The following AGBL3 variants were observed in gnomAD, a reference collection of about 807,000 sequenced individuals.
The protein encoded by AGBL3 is AGBL carboxypeptidase 3.
Under a neutral mutation model 94.5 loss-of-function variants are expected in AGBL3, and 68 were observed. That is an observed-to-expected ratio of 0.72 (90% CI 0.59 to 0.88). The LOEUF (loss-of-function observed/expected upper bound fraction) is 0.88. Ranked by LOEUF, AGBL3 falls within the 40% of genes least tolerant of loss-of-function variation. The pLI is 0.00. For synonymous variants in AGBL3, 354 were observed against 370.7 expected, an observed-to-expected ratio of 0.95 and a Z score of 0.52; for missense variants, 934 against 1,103.8, an observed-to-expected ratio of 0.85 and a Z score of 2.18.
At chr7:135,074,014 T>C (rs537831759) in intron 12 of AGBL3, among the ~76,000 whole-genome samples, 1 of 148,292 alleles carries the variant, frequency 6.7e-6, no homozygotes, top group African/African-American at 2.5e-5. Context: ...GTGGTGACTA[T>C]AGTTAATAAT....
At chr7:134,995,372 G>C (rs1810879164) in intron 4 of AGBL3, 1 of 152,174 alleles carries the variant, frequency 6.6e-6, no homozygotes, top group South Asian at 2.1e-4. Flanking sequence ...TCACATCTTT[G>C]CCACACCTTT....
intron 14 of AGBL3, 48 bp from the exon 15 acceptor site, chr7:135,081,671 A>C (rs1343167961): frequency 8.0e-7 from 1 of 1,245,522 alleles, no homozygotes; most frequent in African/African-American, 1.5e-5. Flanking sequence ...TGAAATGTAA[A>C]TGGGCGAGTT....
intron 6 of AGBL3, among the ~76,000 whole-genome samples, 200 bp downstream of exon 6, chr7:135,033,182 T>G (rs191982287): frequency 6.6e-6 from 1 of 152,160 alleles, no homozygotes; most frequent in Non-Finnish European, 1.5e-5. Flanking sequence ...TGAGGTAAAG[T>G]TAAGAAGGCT....
chr7:135,035,296 G>A (rs180695347), intron 7 of AGBL3, among the ~76,000 whole-genome samples: 119 of 151,882 alleles, frequency 7.8e-4, no homozygotes, highest in African/African-American at 2.5e-3. Flanking sequence ...ACATGAAACC[G>A]TTGGCTTCTC....
rs962084932 is a variant in AGBL3 at position 135,037,528 on chromosome 7, A to G, written c.1448A>G (p.Tyr483Cys). Reference protein sequence around the residue: ...CDGSDRSKTLYLQQRIFPLML... With the variant: ...CDGSDRSKTLCLQQRIFPLML... ...GGTAGTGACAGATCTAAGACATTAT[A>G]CTTACAGCAACGAATCTTCCCACTT... Residue 483 changes from tyrosine (Y) to cysteine (C), a missense_variant, in exon 8 of 17, where the codon TAC becomes TGC. By Grantham distance (194) the Tyr-to-Cys change is radical (BLOSUM62 -2). Coordinates refer to ENST00000436302, the MANE Select transcript of AGBL3 (RefSeq NM_178563.4). The G allele has an allele frequency of 2.6e-6, 4 of 1,546,550 alleles. No individual in the cohort carries two copies. The highest frequency in any genetic ancestry group is 3.5e-6 in the Non-Finnish European group (4 of 1,144,630).
At chr7:135,103,086 G>A (rs565724407) in intron 15 of AGBL3, among the ~76,000 whole-genome samples, 1 of 152,194 alleles carries the variant, frequency 6.6e-6, no homozygotes, top group East Asian at 1.9e-4. Flanking sequence ...CAATACTCCG[G>A]CAGAATCCAC....
intron 3 of AGBL3, among the ~76,000 whole-genome samples, chr7:134,992,005 T>C (rs1041279324): frequency 5.3e-5 from 8 of 152,222 alleles, no homozygotes; most frequent in Non-Finnish European, 1.2e-4. Flanking sequence ...ATTCTTCAGA[T>C]AGTTATGTTT....
chr7:135,039,333 G>A (rs1816616487), intron 8 of AGBL3, among the ~76,000 whole-genome samples: 1 of 152,126 alleles, frequency 6.6e-6, no homozygotes, highest in Admixed American at 6.5e-5. Context: ...AGGAACATTA[G>A]AATATAGTTT....
intron 13 of AGBL3, among the ~76,000 whole-genome samples, chr7:135,078,761 C>T (rs1253177530): frequency 1.3e-5 from 2 of 152,090 alleles, no homozygotes; most frequent in African/African-American, 2.4e-5. Flanking sequence ...AAGTTGCATA[C>T]ATTCTAAGTG....
intron 5 of AGBL3, among the ~76,000 whole-genome samples, chr7:135,021,950 GGAT>G (rs1814536008): frequency 6.6e-6 from 1 of 152,118 alleles, no homozygotes; most frequent in Non-Finnish European, 1.5e-5. Flanking sequence ...AGTCTGCTGA[GGAT>G]GATGGCATCT....
At chr7:134,996,935 A>G (rs1811082166) in intron 4 of AGBL3, among the ~76,000 whole-genome samples, 1 of 152,210 alleles carries the variant, frequency 6.6e-6, no homozygotes, top group African/African-American at 2.4e-5. Flanking sequence ...GAATTCAGAG[A>G]AGCCATTATA....
intron 15 of AGBL3, chr7:135,094,312 G>T (rs567164985): frequency 6.6e-6 from 3 of 452,176 alleles, no homozygotes; most frequent in South Asian, 4.7e-5. Context: ...AGGCTGACAA[G>T]TAAACTACTA....
At chr7:135,075,716 G>A (rs993311433) in intron 12 of AGBL3, among the ~76,000 whole-genome samples, 1 of 152,132 alleles carries the variant, frequency 6.6e-6, no homozygotes, top group Non-Finnish European at 1.5e-5. Flanking sequence ...TGAGTAATCC[G>A]TTTTCTGTGC....
At chr7:135,107,861 C>A (rs1200436598) in intron 15 of AGBL3, among the ~76,000 whole-genome samples, 1 of 152,078 alleles carries the variant, frequency 6.6e-6, no homozygotes, top group Non-Finnish European at 1.5e-5. Context: ...TTTTGTAGGT[C>A]TCTAGGAACT....
At position 135,036,969 on chromosome 7, in the gene AGBL3, T is replaced by A. The variant is rs181834960; in HGVS notation, c.1338-449T>A. Among the ~76,000 whole-genome samples the A allele has an allele frequency of 3.2e-4, 48 of 151,776 alleles. No homozygotes were observed. In the East Asian group the frequency reaches 6.8e-3, roughly 21 times the overall value. On this transcript the variant is annotated intron_variant, in intron 7 of 16. Coordinates refer to ENST00000436302, the MANE Select transcript of AGBL3 (RefSeq NM_178563.4). ...TCTCACTCTGTTGCCCAGGCTGGAG[T>A]GCAGTAGTAATGCTGTCTTCGCTCA...
chr7:135,104,777 G>GTT (rs199595037), intron 15 of AGBL3, among the ~76,000 whole-genome samples: 17,437 of 145,152 alleles, frequency 0.12, 1,141 homozygotes, highest in East Asian at 0.19. Context: ...GGGCTGTTTG[G>GTT]TTTTTTTTTT....
rs182878016 is a variant in AGBL3, at chr7:135,006,049, T to C, written c.311-11003T>C. Among the ~76,000 whole-genome samples the C allele has an allele frequency of 6.0e-4, 91 of 151,858 alleles. No homozygotes were observed. In the East Asian group the frequency reaches 0.014, roughly 23 times the overall value. ...AGAGCTAAGCAAAGAGTTCTTAGAA[T>C]TGACATCAAAAACATGATTAATAAA... On this transcript the variant is annotated intron_variant, in intron 4 of 16. Coordinates refer to ENST00000436302, the MANE Select transcript of AGBL3 (RefSeq NM_178563.4).
intron 3 of AGBL3, 145 bp from the exon 4 acceptor site, chr7:134,993,348 T>C (rs1030037177): frequency 1.2e-5 from 8 of 648,744 alleles, no homozygotes; most frequent in Non-Finnish European, 1.9e-5. Flanking sequence ...AGTACTTTTA[T>C]AAACAGTGCC....
chr7:135,048,792 A>G (rs752801763), intron 11 of AGBL3, among the ~76,000 whole-genome samples: 9 of 151,352 alleles, frequency 5.9e-5, no homozygotes, highest in Non-Finnish European at 1.0e-4. Context: ...TTTTCTATAT[A>G]CATATATAAG....
Sources: allele counts gnomAD v4.1 joint callset (sites outside exome capture counted in the v4.1 genomes callset), GRCh38; gene constraint gnomAD v4.1.1; transcripts MANE v1.5; gene names NCBI Gene and HGNC (gene_info 2026-07-23, HGNC 2026-07-21).